The following OR6N1 variants were observed in gnomAD, a reference collection of about 807,000 sequenced individuals.
OR6N1 encodes olfactory receptor 6N1.
For missense variants in OR6N1, 394 were observed against 371.7 expected, an observed-to-expected ratio of 1.06 and a Z score of -0.49; for synonymous variants, 170 against 150.7, an observed-to-expected ratio of 1.13 and a Z score of -0.94.
At chr1:158,808,644 T>G in the OR6N1 span, 1 of 152,940 alleles carries the variant, frequency 6.5e-6, no homozygotes, top group Non-Finnish European at 1.5e-5. Flanking sequence ...TTGGCACTAC[T>G]GGCAGCTGAG....
the OR6N1 span, among the ~76,000 whole-genome samples, chr1:158,832,284 TGAGAA>T: frequency 6.6e-6 from 1 of 152,026 alleles, no homozygotes; most frequent in Non-Finnish European, 1.5e-5. Flanking sequence ...CATGAGTACT[TGAGAA>T]GAGTTTATAA....
At chr1:158,795,830 T>G in the OR6N1 span, among the ~76,000 whole-genome samples, 2 of 152,198 alleles carry the variant, frequency 1.3e-5, no homozygotes. Flanking sequence ...TGGTTCACAG[T>G]GTAGGCTGCT....
the OR6N1 span, among the ~76,000 whole-genome samples, chr1:158,815,455 T>C: frequency 6.6e-6 from 1 of 151,766 alleles, no homozygotes; most frequent in African/African-American, 2.4e-5. Flanking sequence ...ACAGAAAGGG[T>C]AAGAAGAAAA....
At chr1:158,794,491 T>C in the OR6N1 span, among the ~76,000 whole-genome samples, 1 of 152,130 alleles carries the variant, frequency 6.6e-6, no homozygotes, top group African/African-American at 2.4e-5. Context: ...CCAGTGGGGA[T>C]TCCACACTCC....
chr1:158,769,629 C>A (rs576526986), intron 1 of OR6N1, among the ~76,000 whole-genome samples: 9 of 152,276 alleles, frequency 5.9e-5, no homozygotes, highest in African/African-American at 2.2e-4. Flanking sequence ...ATCACTTCTT[C>A]CCTCTCCAGG....
At chr1:158,833,540 TA>T in the OR6N1 span, among the ~76,000 whole-genome samples, 4 of 152,216 alleles carry the variant, frequency 2.6e-5, no homozygotes, top group Admixed American at 6.5e-5. Context: ...CCCATAAATT[TA>T]AAAACTCTAA....
chr1:158,767,235 G>T (rs915124664), intron 1 of OR6N1, among the ~76,000 whole-genome samples: 12 of 152,054 alleles, frequency 7.9e-5, no homozygotes, highest in African/African-American at 2.9e-4. Context: ...TGAGAACTCA[G>T]GTCTGCTAGC....
the OR6N1 span, among the ~76,000 whole-genome samples, chr1:158,834,325 C>G: frequency 6.6e-6 from 1 of 151,252 alleles, no homozygotes; most frequent in African/African-American, 2.4e-5. Flanking sequence ...CTCCGCCTCC[C>G]GGGTTCACGC....
the OR6N1 span, chr1:158,777,480 A>T: frequency 2.5e-6 from 4 of 1,614,118 alleles, no homozygotes; most frequent in South Asian, 4.4e-5. Flanking sequence ...GCAGAGCTGC[A>T]TCCAGTCGGA....
the OR6N1 span, among the ~76,000 whole-genome samples, chr1:158,837,909 A>G: frequency 6.6e-6 from 1 of 151,756 alleles, no homozygotes; most frequent in African/African-American, 2.4e-5. Flanking sequence ...ATCAGGTTGC[A>G]TATGATATTC....
the OR6N1 span, among the ~76,000 whole-genome samples, chr1:158,802,152 C>CACTGGAAAA: frequency 2.3e-3 from 345 of 151,054 alleles, 1 homozygote; most frequent in African/African-American, 6.8e-3. Context: ...ATCCCAGGGA[C>CACTGGAAAA]ACTGCCTCTT....
the OR6N1 span, chr1:158,777,484 A>C: frequency 6.2e-7 from 1 of 1,614,226 alleles, no homozygotes; most frequent in Non-Finnish European, 8.5e-7. Flanking sequence ...AGCTGCATCC[A>C]GTCGGATGAC....
chr1:158,792,648 T>C, the OR6N1 span, among the ~76,000 whole-genome samples: 1 of 152,222 alleles, frequency 6.6e-6, no homozygotes, highest in Non-Finnish European at 1.5e-5. Flanking sequence ...CTTAGTTTTA[T>C]GGAGTAAAAA....
At chr1:158,773,013 A>G (rs1003900139), upstream of OR6N1, among the ~76,000 whole-genome samples, 1 of 152,200 alleles carries the variant, frequency 6.6e-6, no homozygotes, top group African/African-American at 2.4e-5. Flanking sequence ...CTCAGATAAA[A>G]TTAATAATCA....
At chr1:158,779,413 G>A in the OR6N1 span, among the ~76,000 whole-genome samples, 1 of 152,120 alleles carries the variant, frequency 6.6e-6, no homozygotes, top group Non-Finnish European at 1.5e-5. Flanking sequence ...TATTCAATAA[G>A]ATATTAATAA....
At chr1:158,795,013 G>A in the OR6N1 span, among the ~76,000 whole-genome samples, 1 of 152,118 alleles carries the variant, frequency 6.6e-6, no homozygotes, top group African/African-American at 2.4e-5. Context: ...GTGGATCTAG[G>A]GGCAAAGCCA....
chr1:158,765,713 G>T lies in OR6N1; in HGVS notation c.*31C>A. On this transcript the variant is annotated 3_prime_UTR_variant, in exon 2 of 2. Transcript: ENST00000641846. ...GATCCCTGGGGCCACCATATCCTCA[G>T]GCCCGGCCTTGGCCTACTCTCAGCC... is the stretch of plus-strand genomic sequence containing the variant. 1 of 1,562,888 alleles carries T rather than the reference G, an allele frequency of 6.4e-7. No homozygotes were observed.
chr1:158,771,853 T>G (rs1157279439), intron 1 of OR6N1, among the ~76,000 whole-genome samples, 168 bp downstream of exon 1: 2 of 152,262 alleles, frequency 1.3e-5, no homozygotes, highest in East Asian at 1.9e-4. Context: ...CTATAGCATT[T>G]GAAAAGCAGA....
the OR6N1 span, among the ~76,000 whole-genome samples, chr1:158,819,104 G>A: frequency 6.6e-6 from 1 of 152,184 alleles, no homozygotes; most frequent in Non-Finnish European, 1.5e-5. Context: ...CACAACTTCT[G>A]TAATTATCAA....
Sources: allele counts gnomAD v4.1 joint callset (sites outside exome capture counted in the v4.1 genomes callset), GRCh38; gene constraint gnomAD v4.1.1; transcripts MANE v1.5; gene names NCBI Gene and HGNC (gene_info 2026-07-23, HGNC 2026-07-21).